Variants in TRAF7 observed in about 807,000 individuals in gnomAD.
The protein encoded by TRAF7 is E3 ubiquitin-protein ligase TRAF7.
A neutral mutation model predicts 89.3 loss-of-function variants in TRAF7; 45 were observed. That is an observed-to-expected ratio of 0.50 (90% confidence interval 0.40 to 0.65). TRAF7 has a LOEUF of 0.65. Among genes scored for constraint, TRAF7 ranks in the 30% least tolerant of loss-of-function variants. TRAF7 has a pLI of 0.00. For synonymous variants in TRAF7, 406 were observed against 369.2 expected (o/e 1.10, Z -1.14); for missense variants, 677 against 918.1 (o/e 0.74, Z 3.39).
At chr16:2,160,406 G>A (rs9935429) in intron 1 of TRAF7, among the ~76,000 whole-genome samples, 11,582 of 151,280 alleles carry the variant, frequency 0.077, 562 homozygotes, top group African/African-American at 0.12. Context: ...TCCAGCATGG[G>A]CAGTGTGGAC....
intron 2 of TRAF7, among the ~76,000 whole-genome samples, 192 bp downstream of exon 2, chr16:2,164,193 T>C (rs967081272): frequency 1.1e-4 from 16 of 142,466 alleles, no homozygotes; most frequent in South Asian, 2.3e-4. Flanking sequence ...CGCGTGCGTG[T>C]GTGGTTGGGG....
rs935011301 is a variant in TRAF7, at chr16:2,162,251, A to C, written c.-38-1632A>C. 6.6e-6 allele frequency among the ~76,000 whole-genome samples: 1 copy of C among 150,936 alleles called. No individual in the cohort carries two copies. Among genetic ancestry groups the C allele is most frequent in the Non-Finnish European group, 1.5e-5 (1 of 67,724 alleles). Reference sequence around the variant, plus strand: ...GGGCCTGGGCAGCCTAGAGAATGGGAGAGGAGACAGCAGGAGTGGTAGACA... The same window carrying C: ...GGGCCTGGGCAGCCTAGAGAATGGGCGAGGAGACAGCAGGAGTGGTAGACA... On this transcript the variant is annotated intron_variant, in intron 1 of 20. Coordinates refer to ENST00000326181, the MANE Select transcript of TRAF7 (RefSeq NM_032271.3). This position sits in a 1 kb window ranked among gnomAD's most constrained non-coding sequence, Gnocchi z 5.0.
rs568538171 is a variant in TRAF7, at chr16:2,165,139, T to C, written c.82-740T>C. On this transcript the variant is annotated intron_variant, in intron 2 of 20. Coordinates refer to ENST00000326181, the MANE Select transcript of TRAF7 (RefSeq NM_032271.3). ...TGCTGCGTGGCCTGGCCTGGTCGCA[T>C]GCTGAAGCGTGTGAGTGCTGCGTGG... Among the ~76,000 whole-genome samples the C allele has an allele frequency of 2.9e-5, 4 of 137,974 alleles. No individual in the cohort carries two copies. In the East Asian group the frequency reaches 8.9e-4, roughly 31 times the overall value. The allele number at this position is 137,974 out of a possible 152,430, so 90.5% of individuals were successfully genotyped here. A position where few individuals can be genotyped will look rare whatever the true frequency, so the allele number is the denominator to read the frequency against.
chr16:2,176,540 A>C lies in TRAF7; in HGVS notation c.1999-20A>C. ...CAGCCGGCCGCAGGACATCCTGGTG[A>C]AGCAGCCCTTTCTCTGCAGGTTTGG... On this transcript the variant is annotated intron_variant, in intron 20 of 20. Transcript: ENST00000326181. 1 of 1,613,250 alleles carries C rather than the reference A, an allele frequency of 6.2e-7. No individual in the cohort carries two copies. Among genetic ancestry groups the C allele is most frequent in the Non-Finnish European group, 8.5e-7 (1 of 1,179,982 alleles).
chr16:2,173,089 C>A, intron 9 of TRAF7, 93 bp from the exon 10 acceptor site: 1 of 1,213,038 alleles, frequency 8.2e-7, no homozygotes, highest in East Asian at 2.5e-5. Context: ...TGGGGTGCAG[C>A]GGCCACAGGG....
At chr16:2,173,859 T>TGGGGGCCCCCCCCCCCCC in intron 12 of TRAF7, 23 bp downstream of exon 12, 2 of 1,246,242 alleles carry the variant, frequency 1.6e-6, no homozygotes, top group Admixed American at 2.0e-5. Context: ...CCGCCGTGGC[T>TGGGGGCCCCCCCCCCCCC]CCCGCCCACC....
Position 2,168,225 on chromosome 16 carries a change from C to T in TRAF7, c.231+57C>T. 6.9e-7 allele frequency: 1 copy of T among 1,452,342 alleles called. No homozygotes were observed. The highest frequency in any genetic ancestry group is 9.4e-7 in the Non-Finnish European group (1 of 1,061,602). 90.0% of individuals were successfully genotyped at this position (1,452,342 alleles called of 1,614,324 possible). A position where few individuals can be genotyped will look rare whatever the true frequency, so the allele number is the denominator to read the frequency against. ...CCTCAGCCTCCCCCCATCCTCCCTC[C>T]TGGGGGAACCAGGTCCCAGGAGGAG... On this transcript the variant is annotated intron_variant, in intron 4 of 20. Coordinates refer to ENST00000326181, the MANE Select transcript of TRAF7 (RefSeq NM_032271.3). This position sits in a 1 kb window ranked among gnomAD's most constrained non-coding sequence, Gnocchi z 4.1.
In TRAF7 at chr16:2,162,937, G is replaced by A. The variant is rs768839325; in HGVS notation, c.-38-946G>A. Reference sequence around the variant, plus strand: ...TCCTGAAAGTGGGACCTGCTCGGGAGGAGGGGCGCCTGCTGACAGAGCCTG... The same window carrying A: ...TCCTGAAAGTGGGACCTGCTCGGGAAGAGGGGCGCCTGCTGACAGAGCCTG... On this transcript the variant is annotated intron_variant, in intron 1 of 20. Transcript: ENST00000326181. This position sits in a 1 kb window ranked among gnomAD's most constrained non-coding sequence, Gnocchi z 5.0. 1.5e-4 allele frequency among the ~76,000 whole-genome samples: 23 copies of A among 151,670 alleles called. No individual in the cohort carries two copies. The highest frequency in any genetic ancestry group is 3.4e-3 in the Middle Eastern group (1 of 294).
At position 2,173,090 on chromosome 16, in the gene TRAF7, G is replaced by A. The variant is rs368242207; in HGVS notation, c.795-92G>A. Reference sequence around the variant, plus strand: ...GGGGCAGCTGGACCTGGGGTGCAGCGGCCACAGGGCTGGAGCATTTGAGGG... The same window carrying A: ...GGGGCAGCTGGACCTGGGGTGCAGCAGCCACAGGGCTGGAGCATTTGAGGG... On this transcript the variant is annotated intron_variant, in intron 9 of 20. Coordinates refer to ENST00000326181, the MANE Select transcript of TRAF7 (RefSeq NM_032271.3). 1.5e-4 allele frequency: 188 copies of A among 1,223,630 alleles called. 2 individuals are homozygous for A. The East Asian group carries it at 2.3e-3, about 15-fold the overall frequency. 75.8% of individuals were successfully genotyped at this position (1,223,630 alleles called of 1,614,324 possible).
chr16:2,170,934 T>G (rs1169369964), intron 5 of TRAF7, among the ~76,000 whole-genome samples: 1 of 152,192 alleles, frequency 6.6e-6, no homozygotes, highest in Non-Finnish European at 1.5e-5. Flanking sequence ...CCACTCCCCC[T>G]TCTCAGGGCT....
At position 2,161,300 on chromosome 16, in the gene TRAF7, C is replaced by T. The variant is rs895135376; in HGVS notation, c.-38-2583C>T. On this transcript the variant is annotated intron_variant, in intron 1 of 20. Transcript: ENST00000326181. This position sits in a 1 kb window ranked among gnomAD's most constrained non-coding sequence, Gnocchi z 5.2. ...GCGCTCGATGGGGTCTTGCGCACAC[C>T]CCACAGATCCTGTGGTGTTGTCCCC... is the stretch of plus-strand genomic sequence containing the variant. Among the ~76,000 whole-genome samples, 1 of 151,654 alleles carries T rather than the reference C, an allele frequency of 6.6e-6. No homozygotes were observed. The highest frequency in any genetic ancestry group is 2.1e-4 in the South Asian group (1 of 4,810).
Position 2,163,635 on chromosome 16 carries a change from C to T in TRAF7, c.-38-248C>T. On this transcript the variant is annotated intron_variant, in intron 1 of 20. Transcript: ENST00000326181. This position sits in a 1 kb window ranked among gnomAD's most constrained non-coding sequence, Gnocchi z 4.3. ...AAGAGCTGGATGGGCTCTTCGGGAG[C>T]TCAGAAAGGCTAAGCCTTGAGGGAC... 2.1e-6 allele frequency: 1 copy of T among 475,210 alleles called. No homozygotes were observed. The highest frequency in any genetic ancestry group is 3.5e-5 in the Admixed American group (1 of 28,368). The allele number at this position is 475,210 out of a possible 1,614,324, so 29.4% of individuals were successfully genotyped here.
At chr16:2,160,509 C>A (rs1298334513) in intron 1 of TRAF7, among the ~76,000 whole-genome samples, 2 of 72,488 alleles carry the variant, frequency 2.8e-5, no homozygotes, top group Non-Finnish European at 5.3e-5. Flanking sequence ...GACCGGCGGG[C>A]GGTGTGGGTG....
intron 1 of TRAF7, among the ~76,000 whole-genome samples, chr16:2,160,491 G>T (rs1160183526): frequency 2.8e-5 from 4 of 144,018 alleles, no homozygotes; most frequent in African/African-American, 7.7e-5. Context: ...GGACGGGCGG[G>T]AGGTGTGGAC....
At chr16:2,170,894 G>A (rs537086759) in intron 5 of TRAF7, among the ~76,000 whole-genome samples, 164 bp downstream of exon 5, 33 of 152,346 alleles carry the variant, frequency 2.2e-4, no homozygotes, top group African/African-American at 7.7e-4. Context: ...GGACTCGAGG[G>A]ACCAGGCCGG....
chr16:2,175,777 G>A (rs2093133153), intron 17 of TRAF7, 57 bp from the exon 18 acceptor site: 2 of 1,604,226 alleles, frequency 1.2e-6, no homozygotes, highest in South Asian at 2.2e-5. Context: ...TGGGGGTGCG[G>A]GGGCCCTGGG....
At chr16:2,174,467 G>A (rs991475481) in intron 14 of TRAF7, 134 bp downstream of exon 14, 16 of 766,818 alleles carry the variant, frequency 2.1e-5, no homozygotes, top group East Asian at 2.7e-5. Flanking sequence ...CCCTCCACCC[G>A]GAGCAGCACT....
chr16:2,171,004 C>T (rs1462798395), intron 5 of TRAF7, among the ~76,000 whole-genome samples: 1 of 152,224 alleles, frequency 6.6e-6, no homozygotes, highest in African/African-American at 2.4e-5. Flanking sequence ...AGTCTCACCC[C>T]AGGAAGGAGG....
At position 2,158,278 on chromosome 16, in the gene TRAF7, C is replaced by G. The variant is rs754229135; in HGVS notation, c.-39+2420C>G. On this transcript the variant is annotated intron_variant, in intron 1 of 20. Coordinates refer to ENST00000326181, the MANE Select transcript of TRAF7 (RefSeq NM_032271.3). The surrounding 1 kb of genome is among the most constrained non-coding windows in gnomAD (Gnocchi z 4.7). ...ACCTGTGGAGAGGGACCCACCAACC[C>G]CTTAGTCTTTGACAGATCCGCTGCT... Among the ~76,000 whole-genome samples, 23 of 152,212 alleles carry G rather than the reference C, an allele frequency of 1.5e-4. No homozygotes were observed. The highest frequency in any genetic ancestry group is 3.3e-4 in the Admixed American group (5 of 15,286).
Sources: allele counts gnomAD v4.1 joint callset (sites outside exome capture counted in the v4.1 genomes callset), GRCh38; gene constraint gnomAD v4.1.1; non-coding constraint Gnocchi (gnomAD v3.1); transcripts MANE v1.5; gene names NCBI Gene and HGNC (gene_info 2026-07-23, HGNC 2026-07-21).